Variants in HCN4 observed in about 807,000 individuals in gnomAD.
HCN4 encodes the protein potassium/sodium hyperpolarization-activated cyclic nucleotide-gated channel 4.
In HCN4, 29 loss-of-function variants were observed where a neutral mutation model predicts 76.9. That is an observed-to-expected ratio of 0.38 (90% CI 0.28 to 0.51). The LOEUF (loss-of-function observed/expected upper bound fraction) is 0.51. Among genes scored for constraint, HCN4 ranks in the 20% least tolerant of loss-of-function variants. The pLI is 0.90. For synonymous variants in HCN4, 772 were observed against 762.5 expected (o/e 1.01, Z -0.21); for missense variants, 1,416 against 1,715.2 (o/e 0.83, Z 3.08).
chr15:73,325,040 C>A lies in HCN4; in HGVS notation c.1893G>T (p.Lys631Asn). The change falls in exon 6 of 8, where the codon AAG (lysine) becomes AAT (asparagine). Residue 631 changes from lysine to asparagine, a missense_variant. Coordinates refer to ENST00000261917, the MANE Select transcript of HCN4 (RefSeq NM_005477.3). The surrounding 1 kb of genome is among the most constrained non-coding windows in gnomAD (Gnocchi z 7.4). ...YIIREGTIGK[K>N]MYFIQHGVVS... ...CCACGCCATGCTGGATGAAGTACAT[C>A]TTCTTGCCAATGGTGCCTTCCCGGA... The A allele has an allele frequency of 6.2e-7, 1 of 1,614,228 alleles. No homozygotes were observed. The highest frequency in any genetic ancestry group is 1.1e-5 in the South Asian group (1 of 91,084).
intron 2 of HCN4, among the ~76,000 whole-genome samples, chr15:73,333,233 G>T (rs1243073129): frequency 6.6e-6 from 1 of 152,172 alleles, no homozygotes; most frequent in Non-Finnish European, 1.5e-5. Context: ...TGACAGGGCA[G>T]TGGGGGATGG....
At chr15:73,360,592 G>C (rs900762001) in intron 1 of HCN4, among the ~76,000 whole-genome samples, 1 of 152,100 alleles carries the variant, frequency 6.6e-6, no homozygotes, top group African/African-American at 2.4e-5. Context: ...TCAAATTCCA[G>C]TTCTGATATT....
At position 73,367,691 on chromosome 15, in the gene HCN4, C is replaced by T; in HGVS notation, c.580G>A (p.Ala194Thr). The T allele has an allele frequency of 1.9e-6, 3 of 1,601,576 alleles. No homozygotes were observed. The highest frequency in any genetic ancestry group is 2.5e-6 in the Non-Finnish European group (3 of 1,179,512). The change falls in exon 1 of 8, where the codon GCG becomes ACG. Residue 194 changes from alanine (A) to threonine (T), a missense_variant. By Grantham distance (58) the Ala-to-Thr change is moderately conservative. Transcript: ENST00000261917. The surrounding 1 kb of genome is among the most constrained non-coding windows in gnomAD (Gnocchi z 7.5). ...VDTAIKVEGG[A>T]AAGDQILPEA... ...GGGAGGATCTGGTCGCCGGCAGCCG[C>T]GCCTCCCTCCACTTTGATAGCGGTG...
chr15:73,368,120 G>T lies in HCN4; in HGVS notation c.151C>A (p.Arg51=). ...GAGGGGGAGGGCGAGGGCAGTGGCC[G>T]CAGCCGGATGCTCCTGCGGCTGGGG... The part of the protein sequence containing the change: ...QDPSRRSIRL[R]PLPSPSPSAA... The change falls in exon 1 of 8, where the codon CGG becomes AGG. Residue 51 remains arginine, a synonymous_variant. Transcript: ENST00000261917. This position sits in a 1 kb window ranked among gnomAD's most constrained non-coding sequence, Gnocchi z 6.9. 6.6e-7 allele frequency: 1 copy of T among 1,508,288 alleles called. No homozygotes were observed. 93.4% of individuals were successfully genotyped at this position (1,508,288 alleles called of 1,614,324 possible). A position where few individuals can be genotyped will look rare whatever the true frequency, so the allele number is the denominator to read the frequency against.
At chr15:73,331,025 C>T (rs1426797342) in intron 3 of HCN4, among the ~76,000 whole-genome samples, 2 of 152,212 alleles carry the variant, frequency 1.3e-5, no homozygotes, top group African/African-American at 4.8e-5. Flanking sequence ...TCTTTCACCT[C>T]TTTCAAAGCC....
chr15:73,357,731 T>C (rs1308830577), intron 1 of HCN4, among the ~76,000 whole-genome samples: 3 of 152,022 alleles, frequency 2.0e-5, no homozygotes, highest in Non-Finnish European at 2.9e-5. Flanking sequence ...CTCACCAATA[T>C]GACACAACGT....
At chr15:73,324,367 A>C in intron 6 of HCN4, 114 bp from the exon 7 acceptor site, 1 of 1,171,130 alleles carries the variant, frequency 8.5e-7, no homozygotes, top group Non-Finnish European at 1.2e-6. Flanking sequence ...GCAGGCTCAC[A>C]AGGCCCTGCC....
rs372150073 is a variant in HCN4 at position 73,323,576 on chromosome 15, G to A, written c.2517C>T (p.Ser839=). ...GGGACGGGCTGCTGGCGGGCGAGGC[G>A]GAGCCCAGCGCAGAAGGGATCAGGG... ...LQSLIPSALG[S]ASPASSPSQV... is the part of the protein sequence containing the mutation. The change falls in exon 8 of 8, where the codon TCC becomes TCT. Residue 839 remains serine (S), a synonymous_variant. Transcript: ENST00000261917. 40 of 1,600,768 alleles carry A rather than the reference G, an allele frequency of 2.5e-5. No homozygotes were observed. Among genetic ancestry groups the A allele is most frequent in the Admixed American group, 5.0e-5 (3 of 59,988 alleles).
intron 1 of HCN4, among the ~76,000 whole-genome samples, chr15:73,356,374 C>CTTT (rs71137342): frequency 1.7e-4 from 20 of 118,182 alleles, no homozygotes; most frequent in African/African-American, 2.3e-4. Flanking sequence ...CTTTTCTTTT[C>CTTT]TTTTTTTTTT....
In HCN4 at chr15:73,323,148, A is replaced by G; in HGVS notation, c.2945T>C (p.Leu982Ser). 1.3e-6 allele frequency: 2 copies of G among 1,584,974 alleles called. No individual in the cohort carries two copies. Among genetic ancestry groups the G allele is most frequent in the East Asian group, 2.3e-5 (1 of 44,284 alleles). ...TGGGCCAGTGGCCAGACCTAGGGACAACTCCCCGGGAGGCTGGCCCAGCTG... is the reference window on the plus strand; with the variant it reads ...TGGGCCAGTGGCCAGACCTAGGGACGACTCCCCGGGAGGCTGGCCCAGCTG... ...PGQLGQPPGE[L>S]SLGLATGPLS... Residue 982 changes from leucine to serine, a missense_variant, in exon 8 of 8, where the codon TTG (leucine) becomes TCG (serine). Physicochemically the swap from Leu to Ser is moderately radical, Grantham distance 145. Coordinates refer to ENST00000261917, the MANE Select transcript of HCN4 (RefSeq NM_005477.3).
At position 73,368,436 on chromosome 15, in the gene HCN4, G is replaced by A; in HGVS notation, c.-166C>T. The stretch of plus-strand genomic sequence containing the variant: ...TTGGGCAGGCTGCGCGCCGCGGGGA[G>A]GATCCTAGTCCCGCTCCGAGTCCCC... On this transcript the variant is annotated 5_prime_UTR_variant, in exon 1 of 8. Coordinates refer to ENST00000261917, the MANE Select transcript of HCN4 (RefSeq NM_005477.3). This position sits in a 1 kb window ranked among gnomAD's most constrained non-coding sequence, Gnocchi z 6.9. The A allele has an allele frequency of 2.3e-6, 1 of 433,694 alleles. No homozygotes were observed. The highest frequency in any genetic ancestry group is 3.9e-6 in the Non-Finnish European group (1 of 257,056). The allele number at this position is 433,694 out of a possible 1,614,324, so 26.9% of individuals were successfully genotyped here.
intron 1 of HCN4, among the ~76,000 whole-genome samples, chr15:73,353,055 C>T (rs561590786): frequency 6.0e-5 from 9 of 150,362 alleles, no homozygotes; most frequent in African/African-American, 2.0e-4. Flanking sequence ...GATGGACGGA[C>T]GGACGGGAGA....
intron 2 of HCN4, among the ~76,000 whole-genome samples, chr15:73,333,019 A>T (rs1417267302): frequency 6.6e-6 from 1 of 152,232 alleles, no homozygotes; most frequent in East Asian, 1.9e-4. Flanking sequence ...ATAAGCTGTT[A>T]TTAATAATTA....
At chr15:73,334,147 G>T (rs1050447088) in intron 2 of HCN4, among the ~76,000 whole-genome samples, 2 of 152,138 alleles carry the variant, frequency 1.3e-5, no homozygotes, top group Non-Finnish European at 2.9e-5. Context: ...GGTGCTGTGT[G>T]CCCTGCAGCC....
At chr15:73,335,530 C>G (rs548525) in intron 2 of HCN4, 128,262 of 152,350 alleles carry the variant, frequency 0.84, 54,318 homozygotes, top group Admixed American at 0.91. Flanking sequence ...AGAACTCTTA[C>G]AAAACCACAC....
At chr15:73,348,938 A>C (rs1238722203) in intron 1 of HCN4, among the ~76,000 whole-genome samples, 1 of 152,212 alleles carries the variant, frequency 6.6e-6, no homozygotes, top group African/African-American at 2.4e-5. Flanking sequence ...AGCTGAACTC[A>C]GCATCATCCT....
chr15:73,358,626 C>T (rs1417541940), intron 1 of HCN4, among the ~76,000 whole-genome samples: 1 of 152,202 alleles, frequency 6.6e-6, no homozygotes, highest in Admixed American at 6.5e-5. Context: ...GATGGCAGCA[C>T]AGGCAGCCCG....
chr15:73,335,400 A>G (rs1313813213), intron 2 of HCN4: 1 of 152,328 alleles, frequency 6.6e-6, no homozygotes, highest in Non-Finnish European at 1.5e-5. Flanking sequence ...TCCACAAGCC[A>G]CAGATTTGGA....
intron 2 of HCN4, chr15:73,341,080 G>GTA (rs926764677): frequency 6.6e-6 from 1 of 151,230 alleles, no homozygotes; most frequent in African/African-American, 2.4e-5. Flanking sequence ...GTGTGTGTGT[G>GTA]TGTGTGTGTG....
Sources: gnomAD v4.1 joint callset for allele counts (sites outside exome capture counted in the v4.1 genomes callset) on GRCh38, gnomAD v4.1.1 for gene constraint, Gnocchi (gnomAD v3.1) non-coding constraint, MANE v1.5 for transcripts, NCBI Gene and HGNC (gene_info 2026-07-23, HGNC 2026-07-21) for gene names.